AASS: variants seen among roughly 807,000 people sequenced by gnomAD.
AASS encodes aminoadipate-semialdehyde synthase, also known as alpha-aminoadipic semialdehyde synthase, mitochondrial.
Under a neutral mutation model 105.4 loss-of-function variants are expected in AASS, and 86 were observed. The observed-to-expected ratio is 0.82, with a 90% CI of 0.69 to 0.98. AASS has a LOEUF of 0.98. Among genes scored for constraint, AASS ranks in the 50% least tolerant of loss-of-function variants. AASS has a pLI of 0.00. For missense variants in AASS, 1,048 were observed against 1,143.2 expected (o/e 0.92, Z 1.20); for synonymous variants, 381 against 394.8 (o/e 0.96, Z 0.41).
rs1009009543 is a variant in AASS at position 122,087,687 on chromosome 7, C to T, written c.2017-1508G>A. Among the ~76,000 whole-genome samples, 7 of 152,156 alleles carry T rather than the reference C, an allele frequency of 4.6e-5. 1 individual carries two copies. The highest frequency in any genetic ancestry group is 3.3e-4 in the Admixed American group (5 of 15,262). ...GAATAGCCTGAGCGACACAGCAAGA[C>T]ACCATCTCTTAAAAACAAAAAAGCA... On this transcript the variant is annotated intron_variant, in intron 18 of 23. Coordinates refer to ENST00000417368, the MANE Select transcript of AASS (RefSeq NM_005763.4).
intron 11 of AASS, among the ~76,000 whole-genome samples, chr7:122,110,712 G>A (rs1453474519): frequency 6.6e-6 from 1 of 151,638 alleles, no homozygotes; most frequent in Non-Finnish European, 1.5e-5. Context: ...GAACATAGAT[G>A]TTAATAATCC....
In AASS at chr7:122,083,246, G is replaced by A. The variant is rs549496643; in HGVS notation, c.2185-1651C>T. On this transcript the variant is annotated intron_variant, in intron 19 of 23. Coordinates refer to ENST00000417368, the MANE Select transcript of AASS (RefSeq NM_005763.4). ...AATTCTCATTTGCTCTAATTCAAATGCAAATATACTTCAAAGAGGAGAAAC... is the reference window on the plus strand; with the variant it reads ...AATTCTCATTTGCTCTAATTCAAATACAAATATACTTCAAAGAGGAGAAAC... 4.6e-5 allele frequency among the ~76,000 whole-genome samples: 7 copies of A among 152,202 alleles called. No homozygotes were observed. In the South Asian group the frequency reaches 1.0e-3, roughly 23 times the overall value.
intron 2 of AASS, among the ~76,000 whole-genome samples, chr7:122,130,303 G>T (rs1795852534): frequency 1.3e-5 from 2 of 151,998 alleles, no homozygotes; most frequent in South Asian, 4.1e-4. Flanking sequence ...GGTAATATCA[G>T]TAAGAGGCAT....
intron 11 of AASS, among the ~76,000 whole-genome samples, chr7:122,109,699 A>G (rs1794838739): frequency 6.7e-6 from 1 of 150,192 alleles, no homozygotes; most frequent in Non-Finnish European, 1.5e-5. Flanking sequence ...TGAAACTACT[A>G]GAAGAAAAAA....
intron 19 of AASS, chr7:122,082,769 C>A: frequency 8.0e-7 from 1 of 1,242,536 alleles, no homozygotes; most frequent in Non-Finnish European, 1.1e-6. Context: ...TGTGGGAGCA[C>A]AAAAGAAGGG....
At chr7:122,125,663 A>C (rs1795625191) in intron 4 of AASS, among the ~76,000 whole-genome samples, 1 of 152,218 alleles carries the variant, frequency 6.6e-6, no homozygotes, top group Non-Finnish European at 1.5e-5. Flanking sequence ...ATGCTGAGAA[A>C]GGTAAAAACA....
chr7:122,115,350 T>C (rs1309051716), intron 8 of AASS, 128 bp from the exon 9 acceptor site: 7 of 1,236,566 alleles, frequency 5.7e-6, no homozygotes, highest in Non-Finnish European at 8.1e-6. Context: ...TTTCTTATTG[T>C]CCATGTCAGT....
rs773096587 is a variant in AASS at position 122,101,363 on chromosome 7, A to G, written c.1406+8T>C. The G allele has an allele frequency of 1.3e-6, 2 of 1,599,154 alleles. No homozygotes were observed. Among genetic ancestry groups the G allele is most frequent in the South Asian group, 2.2e-5 (2 of 90,778 alleles). ...TGTATAAAACAAGAGGATTTGAACA[A>G]TACTTACCTGCTCTCCCGGAGTGTC... On this transcript the variant is annotated splice_region_variant and intron_variant, in intron 13 of 23. Transcript: ENST00000417368.
intron 19 of AASS, among the ~76,000 whole-genome samples, chr7:122,085,349 C>T (rs1793569069): frequency 6.6e-6 from 1 of 152,110 alleles, no homozygotes; most frequent in African/African-American, 2.4e-5. Context: ...CTTGTAACTG[C>T]TTTTTTTGTG....
At chr7:122,131,624 A>G (rs1795921714) in intron 2 of AASS, among the ~76,000 whole-genome samples, 1 of 151,892 alleles carries the variant, frequency 6.6e-6, no homozygotes, top group Non-Finnish European at 1.5e-5. Flanking sequence ...TAATATATAT[A>G]TATATGTGTG....
intron 1 of AASS, among the ~76,000 whole-genome samples, chr7:122,137,892 C>T (rs952664557): frequency 1.3e-5 from 2 of 151,998 alleles, no homozygotes; most frequent in African/African-American, 4.8e-5. Context: ...TGAGGTTACC[C>T]GACAATGTCG....
In AASS at chr7:122,096,006, C is replaced by T. The variant is rs548369839; in HGVS notation, c.1655+2444G>A. 9.9e-5 allele frequency among the ~76,000 whole-genome samples: 15 copies of T among 152,036 alleles called. No homozygotes were observed. In the Middle Eastern group the frequency reaches 0.01, roughly 103 times the overall value. On this transcript the variant is annotated intron_variant, in intron 15 of 23. Coordinates refer to ENST00000417368, the MANE Select transcript of AASS (RefSeq NM_005763.4). ...ACTTTGCCTGTGGTACTTTTTTAGA[C>T]GAAGGGATTAGAGTTCATAATTCGT... is the stretch of plus-strand genomic sequence containing the variant.
rs71172163 is a variant in AASS at position 122,107,950 on chromosome 7, CAAA to C, written c.1278+5165_1278+5167del. ...ATTGCATAACAAATCACCCACAACTCAAAAAAAAAAAAAAAAACACAGATGAAA... is the reference window on the plus strand; with the variant it reads ...ATTGCATAACAAATCACCCACAACTCAAAAAAAAAAAAAACACAGATGAAA... On this transcript the variant is annotated intron_variant, in intron 11 of 23. Coordinates refer to ENST00000417368, the MANE Select transcript of AASS (RefSeq NM_005763.4). 1.2e-4 allele frequency among the ~76,000 whole-genome samples: 13 copies of C among 107,922 alleles called. 1 individual carries two copies. The highest frequency in any genetic ancestry group is 2.5e-4 in the African/African-American group (7 of 27,730). 70.8% of individuals were successfully genotyped at this position (107,922 alleles called of 152,430 possible).
chr7:122,136,328 G>A (rs942693220), intron 1 of AASS, among the ~76,000 whole-genome samples: 6 of 152,046 alleles, frequency 3.9e-5, no homozygotes, highest in South Asian at 2.1e-4. Context: ...ACCAAACAGC[G>A]AAGAGTCCAG....
At chr7:122,082,428 C>A (rs1427986337) in intron 19 of AASS, among the ~76,000 whole-genome samples, 7 of 152,142 alleles carry the variant, frequency 4.6e-5, no homozygotes, top group Admixed American at 4.6e-4. Flanking sequence ...CCCAGTTTAG[C>A]ACCTCTTGTG....
chr7:122,133,860 T>G, intron 1 of AASS, 119 bp from the exon 2 acceptor site: 3 of 895,990 alleles, frequency 3.3e-6, no homozygotes, highest in Non-Finnish European at 5.4e-6. Context: ...AGACACAAGG[T>G]AGAGAAGAGG....
At chr7:122,093,511 A>G (rs1382719538) in intron 15 of AASS, among the ~76,000 whole-genome samples, 1 of 152,202 alleles carries the variant, frequency 6.6e-6, no homozygotes, top group South Asian at 2.1e-4. Context: ...TGACATGCCC[A>G]TCAATAGTGG....
intron 11 of AASS, among the ~76,000 whole-genome samples, chr7:122,107,771 A>T (rs996709352): frequency 6.6e-6 from 1 of 152,062 alleles, no homozygotes; most frequent in Non-Finnish European, 1.5e-5. Context: ...GAGGAGCACA[A>T]AAAATGACTA....
chr7:122,100,845 G>A (rs574186714), intron 13 of AASS, among the ~76,000 whole-genome samples: 1 of 151,664 alleles, frequency 6.6e-6, no homozygotes, highest in Non-Finnish European at 1.5e-5. Context: ...TTACTTTTTG[G>A]CACCTTCCCC....
Sources: gnomAD v4.1 joint callset for allele counts (sites outside exome capture counted in the v4.1 genomes callset) on GRCh38, gnomAD v4.1.1 for gene constraint, MANE v1.5 for transcripts, NCBI Gene and HGNC (gene_info 2026-07-23, HGNC 2026-07-21) for gene names.